The following NDFIP2 variants were observed in gnomAD, a reference collection of about 807,000 sequenced individuals.
NDFIP2 encodes the protein NEDD4 family-interacting protein 2.
Under a neutral mutation model 36.0 loss-of-function variants are expected in NDFIP2, and 19 were observed. The observed-to-expected ratio is 0.53, with a 90% CI of 0.37 to 0.77. The LOEUF is 0.77. Ranked by LOEUF, NDFIP2 falls within the 30% of genes least tolerant of loss-of-function variation. The pLI, the probability that NDFIP2 is intolerant of heterozygous loss-of-function variation, is 0.00. For synonymous variants in NDFIP2, 181 were observed against 167.7 expected, an observed-to-expected ratio of 1.08 and a Z score of -0.61; for missense variants, 446 against 435.8, an observed-to-expected ratio of 1.02 and a Z score of -0.21.
intron 3 of NDFIP2, among the ~76,000 whole-genome samples, chr13:79,535,582 G>C (rs1213314519): frequency 6.6e-6 from 1 of 152,190 alleles, no homozygotes; most frequent in African/African-American, 2.4e-5. Flanking sequence ...AGACAGCAAA[G>C]TATTAATAGA....
chr13:79,513,725 T>C (rs1310570438), intron 1 of NDFIP2, among the ~76,000 whole-genome samples: 1 of 151,976 alleles, frequency 6.6e-6, no homozygotes, highest in Non-Finnish European at 1.5e-5. Context: ...CTTTTTTTTT[T>C]TTCCATTAAG....
intron 3 of NDFIP2, among the ~76,000 whole-genome samples, chr13:79,534,047 A>T (rs568547151): frequency 6.6e-6 from 1 of 151,896 alleles, no homozygotes; most frequent in African/African-American, 2.4e-5. Flanking sequence ...CTAAATTTTG[A>T]TTTCAGGCCC....
intron 1 of NDFIP2, among the ~76,000 whole-genome samples, chr13:79,495,287 G>A (rs1171148614): frequency 6.6e-6 from 1 of 151,716 alleles, no homozygotes. Context: ...TTGTTTTTGT[G>A]TTCTACTAAT....
intron 1 of NDFIP2, among the ~76,000 whole-genome samples, chr13:79,490,147 G>C (rs1380027543): frequency 2.6e-5 from 4 of 152,162 alleles, no homozygotes; most frequent in Admixed American, 2.6e-4. Context: ...CCTAGTTGTA[G>C]GGTGAGGATT....
At chr13:79,507,055 G>GTGC (rs1873896076) in intron 1 of NDFIP2, among the ~76,000 whole-genome samples, 1 of 151,982 alleles carries the variant, frequency 6.6e-6, no homozygotes, top group African/African-American at 2.4e-5. Flanking sequence ...ATGAAGTTGA[G>GTGC]TGCTGTTCAT....
chr13:79,509,690 T>TATATATAGAGAG (rs113326163), intron 1 of NDFIP2, among the ~76,000 whole-genome samples: 8 of 147,808 alleles, frequency 5.4e-5, no homozygotes, highest in African/African-American at 1.8e-4. Flanking sequence ...TATATATATA[T>TATATATAGAGAG]AGAGAGAGAG....
intron 1 of NDFIP2, among the ~76,000 whole-genome samples, chr13:79,516,076 T>C (rs1350713667): frequency 6.6e-6 from 1 of 151,972 alleles, no homozygotes; most frequent in African/African-American, 2.4e-5. Flanking sequence ...ATGAATTGGG[T>C]GGGACCCTGG....
chr13:79,508,697 C>G (rs539281260), intron 1 of NDFIP2, among the ~76,000 whole-genome samples: 6 of 152,302 alleles, frequency 3.9e-5, no homozygotes, highest in Admixed American at 2.0e-4. Context: ...TGACCTGTAA[C>G]TTGTGCCAAC....
At chr13:79,490,371 T>A (rs1340732448) in intron 1 of NDFIP2, among the ~76,000 whole-genome samples, 1 of 152,176 alleles carries the variant, frequency 6.6e-6, no homozygotes, top group African/African-American at 2.4e-5. Context: ...TCCTCCTGAG[T>A]GGTGGTCTCA....
chr13:79,494,610 C>T (rs1202211591), intron 1 of NDFIP2, among the ~76,000 whole-genome samples: 2 of 151,936 alleles, frequency 1.3e-5, no homozygotes, highest in Non-Finnish European at 2.9e-5. Flanking sequence ...GTACTGTTTG[C>T]TCTCTAAGCC....
At chr13:79,543,834 T>G in intron 5 of NDFIP2, 152 bp downstream of exon 5, 3 of 924,658 alleles carry the variant, frequency 3.2e-6, no homozygotes, top group Non-Finnish European at 3.1e-6. Flanking sequence ...TAGTGAGCTC[T>G]GTGGTATGAA....
intron 2 of NDFIP2, among the ~76,000 whole-genome samples, chr13:79,528,170 CAATT>C (rs755033298): frequency 6.1e-4 from 93 of 151,976 alleles, no homozygotes; most frequent in Non-Finnish European, 1.1e-3. Context: ...TGAGGTGAGA[CAATT>C]GATTGAGACT....
chr13:79,498,205 G>T (rs1185573299), intron 1 of NDFIP2, among the ~76,000 whole-genome samples: 5 of 151,788 alleles, frequency 3.3e-5, no homozygotes, highest in Admixed American at 6.6e-5. Flanking sequence ...GAATCTTTTT[G>T]TCTTGTTCAT....
chr13:79,543,058 G>T (rs1262697750), intron 4 of NDFIP2, among the ~76,000 whole-genome samples: 1 of 152,004 alleles, frequency 6.6e-6, no homozygotes, highest in Non-Finnish European at 1.5e-5. Context: ...TATATTTTTA[G>T]TAGAGACAGG....
intron 1 of NDFIP2, among the ~76,000 whole-genome samples, chr13:79,494,262 G>A (rs370500207): frequency 6.7e-6 from 1 of 148,586 alleles, no homozygotes; most frequent in Non-Finnish European, 1.5e-5. Flanking sequence ...AGTAAAGACA[G>A]TACAGAATTC....
At chr13:79,534,876 C>T (rs988291113) in intron 3 of NDFIP2, among the ~76,000 whole-genome samples, 2 of 152,186 alleles carry the variant, frequency 1.3e-5, no homozygotes, top group African/African-American at 2.4e-5. Flanking sequence ...TTTATGCCTG[C>T]TCCTACTACC....
At chr13:79,520,415 A>C (rs144585808) in intron 1 of NDFIP2, among the ~76,000 whole-genome samples, 3 of 152,330 alleles carry the variant, frequency 2.0e-5, no homozygotes, top group Admixed American at 6.5e-5. Context: ...TGGCTTCAAT[A>C]GGCCAGAAAC....
At chr13:79,551,923 T>C (rs1252103270) in intron 7 of NDFIP2, among the ~76,000 whole-genome samples, 1 of 151,410 alleles carries the variant, frequency 6.6e-6, no homozygotes, top group Non-Finnish European at 1.5e-5. Flanking sequence ...CTACTAGTAC[T>C]TAACTTCTGA....
chr13:79,516,452 G>A (rs113663758), intron 1 of NDFIP2, among the ~76,000 whole-genome samples: 2,753 of 152,000 alleles, frequency 0.018, 71 homozygotes, highest in African/African-American at 0.062. Flanking sequence ...TGAATTCCTG[G>A]GCTCCAGTGA....
Sources: gnomAD v4.1 joint callset for allele counts (sites outside exome capture counted in the v4.1 genomes callset) on GRCh38, gnomAD v4.1.1 for gene constraint, MANE v1.5 for transcripts, NCBI Gene and HGNC (gene_info 2026-07-23, HGNC 2026-07-21) for gene names.